The following PTPRD variants were observed in gnomAD, a reference collection of about 807,000 sequenced individuals.
PTPRD encodes the protein receptor-type tyrosine-protein phosphatase delta.
Under a neutral mutation model 214.5 loss-of-function variants are expected in PTPRD, and 34 were observed. That is an observed-to-expected ratio of 0.16 (90% CI 0.12 to 0.21). The LOEUF (loss-of-function observed/expected upper bound fraction) is 0.21. PTPRD is among the 10% of genes least tolerant of loss of function. The probability of loss-of-function intolerance (pLI) is 1.00; values close to 1 mark genes in which losing one functional copy is unlikely to be tolerated. For missense variants in PTPRD, 2,545 were observed against 2,398.7 expected (o/e 1.06, Z -1.27); for synonymous variants, 1,128 against 845.7 (o/e 1.33, Z -5.79).
At chr9:9,459,089 G>C (rs1168584446) in intron 8 of PTPRD, among the ~76,000 whole-genome samples, 3 of 152,054 alleles carry the variant, frequency 2.0e-5, no homozygotes, top group African/African-American at 4.8e-5. Flanking sequence ...AAACCAGAAA[G>C]TCTGCAGAGG....
chr9:8,499,898 C>A (rs2097356583), intron 24 of PTPRD, 58 bp from the exon 25 acceptor site: 5 of 1,389,712 alleles, frequency 3.6e-6, no homozygotes, highest in Non-Finnish European at 3.9e-6. Flanking sequence ...CCTATCAGAG[C>A]ATTTTCTGCA....
At chr9:9,138,481 A>G (rs991643013) in intron 10 of PTPRD, among the ~76,000 whole-genome samples, 1 of 152,154 alleles carries the variant, frequency 6.6e-6, no homozygotes, top group Non-Finnish European at 1.5e-5. Context: ...AGAAATTAAG[A>G]AATATCACAA....
intron 2 of PTPRD, among the ~76,000 whole-genome samples, chr9:10,416,320 T>C (rs1007823210): frequency 6.6e-6 from 1 of 151,806 alleles, no homozygotes; most frequent in East Asian, 2.0e-4. Context: ...GATAGTACCA[T>C]TGCACTCCAG....
chr9:9,164,281 C>T (rs1417518615), intron 10 of PTPRD, among the ~76,000 whole-genome samples: 1 of 152,100 alleles, frequency 6.6e-6, no homozygotes, highest in Non-Finnish European at 1.5e-5. Flanking sequence ...CTTCCTCTAT[C>T]TTCAAAGTCA....
intron 10 of PTPRD, among the ~76,000 whole-genome samples, chr9:9,037,379 ATAG>A (rs1462095194): frequency 5.3e-5 from 8 of 152,144 alleles, no homozygotes; most frequent in African/African-American, 1.7e-4. Context: ...TATAGAGACA[ATAG>A]TTTGTGTTAG....
At chr9:9,427,039 G>C (rs1302660360) in intron 8 of PTPRD, among the ~76,000 whole-genome samples, 1 of 152,186 alleles carries the variant, frequency 6.6e-6, no homozygotes, top group Non-Finnish European at 1.5e-5. Context: ...GCCAGCAATG[G>C]AACAAAGCTG....
intron 9 of PTPRD, among the ~76,000 whole-genome samples, chr9:9,394,461 T>G (rs1281592098): frequency 2.6e-5 from 4 of 152,192 alleles, no homozygotes; most frequent in African/African-American, 9.6e-5. Context: ...ACATGTATTG[T>G]GTAGCCAGAA....
intron 4 of PTPRD, among the ~76,000 whole-genome samples, chr9:9,939,339 G>A (rs2090694753): frequency 6.6e-6 from 1 of 152,114 alleles, no homozygotes; most frequent in Non-Finnish European, 1.5e-5. Context: ...TAGACAACTG[G>A]GTGGTTGTAA....
intron 5 of PTPRD, among the ~76,000 whole-genome samples, chr9:9,842,580 T>C (rs1599466537): frequency 6.6e-6 from 1 of 151,936 alleles, no homozygotes; most frequent in Non-Finnish European, 1.5e-5. Flanking sequence ...AAAACTAGTA[T>C]CGTTGTTAAA....
chr9:9,045,694 GT>G (rs1461368762), intron 10 of PTPRD, among the ~76,000 whole-genome samples: 1 of 152,100 alleles, frequency 6.6e-6, no homozygotes, highest in African/African-American at 2.4e-5. Context: ...CTCTCAGACT[GT>G]TCCATAATCC....
intron 3 of PTPRD, among the ~76,000 whole-genome samples, chr9:10,128,636 G>A (rs891771688): frequency 3.9e-5 from 6 of 152,074 alleles, no homozygotes; most frequent in African/African-American, 4.8e-5. Flanking sequence ...GGCAGTTCTG[G>A]CAAACTAATA....
At chr9:8,733,974 A>G (rs2098689369) in intron 11 of PTPRD, 28 bp from the exon 12 acceptor site, 3 of 909,866 alleles carry the variant, frequency 3.3e-6, no homozygotes, top group Non-Finnish European at 3.4e-6. Context: ...GAGAAAAGAA[A>G]AGGAAGAAAA....
intron 2 of PTPRD, among the ~76,000 whole-genome samples, chr9:10,454,516 T>C (rs1042669347): frequency 5.3e-5 from 8 of 151,698 alleles, no homozygotes; most frequent in Non-Finnish European, 1.0e-4. Context: ...ATCCTCACTA[T>C]TGTAACTCAC....
chr9:8,613,075 T>TA (rs937799582), intron 14 of PTPRD, among the ~76,000 whole-genome samples: 4 of 152,214 alleles, frequency 2.6e-5, no homozygotes, highest in East Asian at 1.9e-4. Flanking sequence ...TATTCATTAG[T>TA]AAAAAAAGAC....
intron 9 of PTPRD, among the ~76,000 whole-genome samples, chr9:9,307,841 T>C (rs1231076312): frequency 2.0e-5 from 3 of 152,210 alleles, no homozygotes; most frequent in African/African-American, 7.2e-5. Context: ...GCACTTCGTG[T>C]CTGTTCTAGT....
chr9:9,817,268 G>A (rs1672429675), intron 5 of PTPRD, among the ~76,000 whole-genome samples: 1 of 152,116 alleles, frequency 6.6e-6, no homozygotes, highest in Admixed American at 6.6e-5. Context: ...AGGGACTACT[G>A]TAAACCAGAC....
At chr9:10,281,583 T>C (rs1473412261) in intron 3 of PTPRD, among the ~76,000 whole-genome samples, 1 of 152,206 alleles carries the variant, frequency 6.6e-6, no homozygotes, top group Non-Finnish European at 1.5e-5. Flanking sequence ...AAACAAAAAG[T>C]TGGATGTAAT....
At chr9:8,541,704 G>A (rs1158592423) in intron 14 of PTPRD, among the ~76,000 whole-genome samples, 1 of 152,074 alleles carries the variant, frequency 6.6e-6, no homozygotes, top group Non-Finnish European at 1.5e-5. Context: ...GTATGTCAAT[G>A]TATGTTTTTC....
chr9:9,629,238 G>GTGTA (rs149327972), intron 7 of PTPRD, among the ~76,000 whole-genome samples: 62 of 140,398 alleles, frequency 4.4e-4, no homozygotes, highest in African/African-American at 1.5e-3. Flanking sequence ...GTGTGTGTGT[G>GTGTA]TATATATATA....
Sources: gnomAD v4.1 joint callset for allele counts (sites outside exome capture counted in the v4.1 genomes callset) on GRCh38, gnomAD v4.1.1 for gene constraint, MANE v1.5 for transcripts, NCBI Gene and HGNC (gene_info 2026-07-23, HGNC 2026-07-21) for gene names.